SYK: variants seen among roughly 807,000 people sequenced by gnomAD.
SYK encodes the protein tyrosine-protein kinase SYK.
SYK carries 16 observed loss-of-function variants against 77.8 expected under a neutral mutation model. That is an observed-to-expected ratio of 0.21 (90% confidence interval 0.14 to 0.31). The LOEUF is 0.31. Among genes scored for constraint, SYK ranks in the 10% least tolerant of loss-of-function variants. The pLI is 1.00. For missense variants in SYK, 529 were observed against 814.4 expected, an observed-to-expected ratio of 0.65 and a Z score of 4.26; for synonymous variants, 312 against 308.7, an observed-to-expected ratio of 1.01 and a Z score of -0.11.
chr9:90,854,039 A>G (rs1826924739), intron 3 of SYK, among the ~76,000 whole-genome samples: 1 of 152,142 alleles, frequency 6.6e-6, no homozygotes, highest in Admixed American at 6.5e-5. Flanking sequence ...GGGCATCTAC[A>G]GAACCCCAGT....
chr9:90,835,544 C>G (rs997827081), intron 1 of SYK, among the ~76,000 whole-genome samples: 1 of 152,180 alleles, frequency 6.6e-6, no homozygotes. Context: ...GGAAGCAGAA[C>G]TGGCTGTGTT....
At chr9:90,855,622 T>A (rs290206) in intron 3 of SYK, among the ~76,000 whole-genome samples, 55,548 of 151,894 alleles carry the variant, frequency 0.37, 10,374 homozygotes, top group South Asian at 0.53. Context: ...GGGCCACCCA[T>A]GGAGCCCGTA....
intron 1 of SYK, among the ~76,000 whole-genome samples, chr9:90,813,252 G>A (rs1010698206): frequency 2.6e-5 from 4 of 152,022 alleles, no homozygotes; most frequent in African/African-American, 9.7e-5. Context: ...GCAGCTGATG[G>A]TGACCAGAAG....
intron 1 of SYK, among the ~76,000 whole-genome samples, chr9:90,821,686 C>T (rs1022275421): frequency 1.4e-4 from 21 of 152,164 alleles, no homozygotes; most frequent in Admixed American, 9.8e-4. Context: ...ATATTCCAGA[C>T]GCTCCAACTC....
intron 1 of SYK, among the ~76,000 whole-genome samples, chr9:90,836,275 A>G (rs912863187): frequency 1.4e-5 from 2 of 144,844 alleles, no homozygotes; most frequent in Non-Finnish European, 3.0e-5. Flanking sequence ...CAACAGAGCG[A>G]GACTTCATCT....
At chr9:90,892,519 G>C (rs1038695405) in intron 13 of SYK, among the ~76,000 whole-genome samples, 8 of 152,196 alleles carry the variant, frequency 5.3e-5, no homozygotes, top group Non-Finnish European at 1.0e-4. Flanking sequence ...GATGGCCCAT[G>C]CTTCACTCCT....
chr9:90,839,401 C>T lies in SYK; in HGVS notation c.-41-4457C>T, dbSNP rs111751979. Among the ~76,000 whole-genome samples the T allele has an allele frequency of 5.0e-3, 757 of 152,188 alleles. 3 individuals are homozygous for T. The highest frequency in any genetic ancestry group is 6.9e-3 in the Non-Finnish European group (466 of 68,018). On this transcript the variant is annotated intron_variant, in intron 1 of 13. Coordinates refer to ENST00000375754, the MANE Select transcript of SYK (RefSeq NM_003177.7). ...CACTGAGTGCAGCACATTCTTCTGC[C>T]ACCTGCTTGCGAACATATCTGCAAT...
chr9:90,855,979 T>C (rs1426793339), intron 3 of SYK, among the ~76,000 whole-genome samples: 2 of 152,222 alleles, frequency 1.3e-5, no homozygotes, highest in African/African-American at 2.4e-5. Context: ...TGTAACTGCA[T>C]TTGCAGTTGC....
Position 90,884,848 on chromosome 9 carries a change from C to CACATAT in SYK, c.1582-2900_1582-2895dup, listed in dbSNP as rs747881151. 5.0e-4 allele frequency among the ~76,000 whole-genome samples: 44 copies of CACATAT among 88,570 alleles called. 17 individuals carry two copies. The highest frequency in any genetic ancestry group is 9.2e-4 in the Non-Finnish European group (38 of 41,270). The allele number at this position is 88,570 out of a possible 152,430, so 58.1% of individuals were successfully genotyped here. On this transcript the variant is annotated intron_variant, in intron 11 of 13. Transcript: ENST00000375754. Reference sequence around the variant, plus strand: ...ACATATGTGTGTATATACATATACACACATATGTGTGTATATACATATATA... The same window carrying CACATAT: ...ACATATGTGTGTATATACATATACACACATATACATATGTGTGTATATACATATATA...
intron 4 of SYK, among the ~76,000 whole-genome samples, chr9:90,863,966 T>A (rs575105324): frequency 1.3e-5 from 2 of 152,228 alleles, no homozygotes; most frequent in African/African-American, 2.4e-5. Flanking sequence ...ATCATAGCAT[T>A]CATCCCTAAT....
intron 1 of SYK, among the ~76,000 whole-genome samples, chr9:90,831,956 C>T (rs559474584): frequency 6.6e-6 from 1 of 152,264 alleles, no homozygotes; most frequent in South Asian, 2.1e-4. Flanking sequence ...AGAGAAAATA[C>T]GTGTGTTAGG....
intron 1 of SYK, among the ~76,000 whole-genome samples, chr9:90,821,107 C>T (rs1451067941): frequency 6.6e-6 from 1 of 152,168 alleles, no homozygotes; most frequent in Non-Finnish European, 1.5e-5. Flanking sequence ...CAGCCTGGAC[C>T]TTATTGTTAA....
chr9:90,807,792 G>A (rs1824897975), intron 1 of SYK, among the ~76,000 whole-genome samples: 1 of 152,184 alleles, frequency 6.6e-6, no homozygotes, highest in South Asian at 2.1e-4. Context: ...CAACAGAAAA[G>A]CCCTTCTTAA....
chr9:90,856,835 G>A (rs933857076), intron 3 of SYK, among the ~76,000 whole-genome samples: 5 of 152,080 alleles, frequency 3.3e-5, no homozygotes, highest in Non-Finnish European at 4.4e-5. Context: ...CTGAGCTTAT[G>A]CCTGATTGAT....
chr9:90,811,497 A>G (rs552718523), intron 1 of SYK, among the ~76,000 whole-genome samples: 29 of 152,334 alleles, frequency 1.9e-4, no homozygotes, highest in Non-Finnish European at 3.7e-4. Context: ...AGTACAGTTG[A>G]TTCATATGTT....
chr9:90,804,852 T>C (rs766084636), intron 1 of SYK, among the ~76,000 whole-genome samples: 3 of 152,208 alleles, frequency 2.0e-5, no homozygotes, highest in African/African-American at 7.2e-5. Context: ...ACTAGTCTGA[T>C]TGGATTTTAG....
At chr9:90,828,089 CCCCA>C in intron 1 of SYK, among the ~76,000 whole-genome samples, 1 of 152,210 alleles carries the variant, frequency 6.6e-6, no homozygotes, top group South Asian at 2.1e-4. Context: ...GCTGCAGGAT[CCCCA>C]TAAAGATTAT....
At chr9:90,813,459 A>C (rs1289169108) in intron 1 of SYK, among the ~76,000 whole-genome samples, 2 of 152,150 alleles carry the variant, frequency 1.3e-5, no homozygotes, top group African/African-American at 4.8e-5. Context: ...GTGGCTCTAA[A>C]GCCCTCTCTG....
chr9:90,848,536 C>T (rs1826685882), intron 3 of SYK, among the ~76,000 whole-genome samples: 1 of 152,204 alleles, frequency 6.6e-6, no homozygotes, highest in Admixed American at 6.5e-5. Context: ...AACTAGATTC[C>T]AGTCACTGCT....
Sources: allele counts gnomAD v4.1 joint callset (sites outside exome capture counted in the v4.1 genomes callset), GRCh38; gene constraint gnomAD v4.1.1; transcripts MANE v1.5; gene names NCBI Gene and HGNC (gene_info 2026-07-23, HGNC 2026-07-21).